The following KCNQ3 variants were observed in gnomAD, a reference collection of about 807,000 sequenced individuals.
KCNQ3 encodes the protein potassium voltage-gated channel subfamily KQT member 3.
Under a neutral mutation model 92.5 loss-of-function variants are expected in KCNQ3, and 30 were observed. The ratio of observed to expected loss-of-function variants is 0.32; its 90% CI spans 0.24 to 0.44. KCNQ3 has a LOEUF of 0.44. Among genes scored for constraint, KCNQ3 ranks in the 20% least tolerant of loss-of-function variants. The pLI, the probability that KCNQ3 is intolerant of heterozygous loss-of-function variation, is 1.00. For synonymous variants in KCNQ3, 450 were observed against 468.8 expected, an observed-to-expected ratio of 0.96 and a Z score of 0.52; for missense variants, 913 against 1,140.3, an observed-to-expected ratio of 0.80 and a Z score of 2.87.
intron 1 of KCNQ3, among the ~76,000 whole-genome samples, chr8:132,461,455 C>G (rs747195650): frequency 1.3e-5 from 2 of 152,254 alleles, no homozygotes; most frequent in South Asian, 4.1e-4. Flanking sequence ...ATCCTAGCTA[C>G]TCAGGAGGCT....
chr8:132,193,375 GT>G (rs1827216154), intron 1 of KCNQ3, among the ~76,000 whole-genome samples: 1 of 152,212 alleles, frequency 6.6e-6, no homozygotes, highest in Non-Finnish European at 1.5e-5. Flanking sequence ...GTAGCTGCAC[GT>G]GGCTCTAAAG....
At chr8:132,261,341 G>A (rs1004187715) in intron 1 of KCNQ3, among the ~76,000 whole-genome samples, 5 of 152,142 alleles carry the variant, frequency 3.3e-5, no homozygotes, top group South Asian at 4.1e-4. Flanking sequence ...TCAAGGCTGC[G>A]TGCCTCACCC....
intron 1 of KCNQ3, among the ~76,000 whole-genome samples, chr8:132,326,154 G>A (rs946366660): frequency 2.6e-5 from 4 of 152,178 alleles, no homozygotes; most frequent in African/African-American, 9.7e-5. Context: ...TGATGCTGAG[G>A]GCTCCCACTG....
chr8:132,189,719 G>C (rs917665728), intron 1 of KCNQ3, among the ~76,000 whole-genome samples: 1 of 151,692 alleles, frequency 6.6e-6, no homozygotes, highest in Non-Finnish European at 1.5e-5. Context: ...CCAGCTACTC[G>C]AGAGGCTGAG....
chr8:132,187,148 A>C (rs1826996784), intron 1 of KCNQ3: 1 of 455,924 alleles, frequency 2.2e-6, no homozygotes, highest in African/African-American at 2.0e-5. Flanking sequence ...ACATACTCTA[A>C]GCTCTCCTAC....
chr8:132,240,706 G>A (rs1245314019), intron 1 of KCNQ3, among the ~76,000 whole-genome samples: 1 of 152,204 alleles, frequency 6.6e-6, no homozygotes, highest in Non-Finnish European at 1.5e-5. Context: ...TTTGTTCACT[G>A]TTGTATCCCA....
At chr8:132,162,990 A>ATG (rs771496499) in intron 9 of KCNQ3, among the ~76,000 whole-genome samples, 1 of 152,232 alleles carries the variant, frequency 6.6e-6, no homozygotes, top group Non-Finnish European at 1.5e-5. Context: ...CTCCACAGTC[A>ATG]TGATGATCAT....
intron 9 of KCNQ3, 150 bp downstream of exon 9, chr8:132,163,318 C>A: frequency 1.4e-6 from 1 of 727,562 alleles, no homozygotes; most frequent in Non-Finnish European, 2.5e-6. Flanking sequence ...GGAAACCAGG[C>A]AGAGGACTAT....
At chr8:132,184,093 C>A (rs1032193926) in intron 3 of KCNQ3, 148 bp downstream of exon 3, 5 of 951,190 alleles carry the variant, frequency 5.3e-6, no homozygotes, top group Non-Finnish European at 8.4e-6. Context: ...TTGACACTGT[C>A]CCTTCTCATC....
chr8:132,425,063 A>G (rs2130816197), intron 1 of KCNQ3, among the ~76,000 whole-genome samples: 1 of 152,294 alleles, frequency 6.6e-6, no homozygotes, highest in East Asian at 1.9e-4. Context: ...GTGCCTTTGG[A>G]AATCAGGAAT....
intron 9 of KCNQ3, among the ~76,000 whole-genome samples, chr8:132,163,135 CT>C (rs1563780822): frequency 6.6e-6 from 1 of 152,156 alleles, no homozygotes; most frequent in Non-Finnish European, 1.5e-5. Context: ...TCAACCCAAC[CT>C]CTCTGAGCCA....
At chr8:132,161,474 A>G (rs1825986831) in intron 9 of KCNQ3, among the ~76,000 whole-genome samples, 1 of 151,900 alleles carries the variant, frequency 6.6e-6, no homozygotes, top group Non-Finnish European at 1.5e-5. Context: ...ACTAAAAAAG[A>G]TACAAAAATT....
rs540981898 is a variant in KCNQ3 at position 132,402,814 on chromosome 8, G to A, written c.386+77333C>T. 5.9e-5 allele frequency among the ~76,000 whole-genome samples: 9 copies of A among 152,040 alleles called. No individual in the cohort carries two copies. In the South Asian group the frequency reaches 1.9e-3, roughly 32 times the overall value. On this transcript the variant is annotated intron_variant, in intron 1 of 14. Transcript: ENST00000388996. Reference sequence around the variant, plus strand: ...GGGCAGATCACGAGGTCAGGAGATCGAGACTGTCCTGGCCAACATGGTGAA... The same window carrying A: ...GGGCAGATCACGAGGTCAGGAGATCAAGACTGTCCTGGCCAACATGGTGAA...
intron 1 of KCNQ3, among the ~76,000 whole-genome samples, chr8:132,189,907 AAGAG>A (rs1554629513): frequency 1.1e-4 from 14 of 132,278 alleles, no homozygotes; most frequent in African/African-American, 2.4e-4. Flanking sequence ...AAAAAAAAAA[AAGAG>A]AGAGAGAGAG....
chr8:132,401,104 G>A lies in KCNQ3; in HGVS notation c.386+79043C>T, dbSNP rs555109284. On this transcript the variant is annotated intron_variant, in intron 1 of 14. Coordinates refer to ENST00000388996, the MANE Select transcript of KCNQ3 (RefSeq NM_004519.4). ...AGTAGCTGGGCAATCCCCACCAGGCGGCAAATCTACATATGAACCCCTGCC... is the reference window on the plus strand; with the variant it reads ...AGTAGCTGGGCAATCCCCACCAGGCAGCAAATCTACATATGAACCCCTGCC... Among the ~76,000 whole-genome samples, 189 of 152,268 alleles carry A rather than the reference G, an allele frequency of 1.2e-3. 1 individual carries two copies. The highest frequency in any genetic ancestry group is 4.3e-3 in the African/African-American group (180 of 41,560).
intron 9 of KCNQ3, among the ~76,000 whole-genome samples, chr8:132,152,148 T>C (rs1825655674): frequency 6.6e-6 from 1 of 152,154 alleles, no homozygotes; most frequent in Non-Finnish European, 1.5e-5. Flanking sequence ...CAAATACAGG[T>C]TTCTGATAAC....
chr8:132,325,929 G>A (rs1409559419), intron 1 of KCNQ3, among the ~76,000 whole-genome samples: 1 of 152,212 alleles, frequency 6.6e-6, no homozygotes, highest in Non-Finnish European at 1.5e-5. Context: ...TTAGGTCTGA[G>A]AAGAGAAAAC....
At chr8:132,413,646 C>T (rs912992160) in intron 1 of KCNQ3, among the ~76,000 whole-genome samples, 2 of 152,186 alleles carry the variant, frequency 1.3e-5, no homozygotes, top group East Asian at 3.8e-4. Context: ...GACTTGTGTG[C>T]TGCAATGGTT....
At chr8:132,417,516 C>G (rs1374053574) in intron 1 of KCNQ3, among the ~76,000 whole-genome samples, 1 of 152,204 alleles carries the variant, frequency 6.6e-6, no homozygotes, top group Non-Finnish European at 1.5e-5. Context: ...ACAGAAAACA[C>G]CCAGCACATG....
Sources: allele counts gnomAD v4.1 joint callset (sites outside exome capture counted in the v4.1 genomes callset), GRCh38; gene constraint gnomAD v4.1.1; transcripts MANE v1.5; gene names NCBI Gene and HGNC (gene_info 2026-07-23, HGNC 2026-07-21).